The following VWA8 variants were observed in gnomAD, a reference collection of about 807,000 sequenced individuals.
VWA8 encodes the protein von Willebrand factor A domain containing 8.
VWA8 carries 221 observed loss-of-function variants against 241.5 expected under a neutral mutation model. The ratio of observed to expected loss-of-function variants is 0.91; its 90% confidence interval spans 0.82 to 1.02. The LOEUF is 1.02. Ranked by LOEUF, VWA8 falls within the 50% of genes least tolerant of loss-of-function variation. The probability of loss-of-function intolerance (pLI) is 0.00; values close to 1 mark genes in which losing one functional copy is unlikely to be tolerated. For missense variants in VWA8, 2,322 were observed against 2,328.7 expected, an observed-to-expected ratio of 1.00 and a Z score of 0.06; for synonymous variants, 852 against 827.1, an observed-to-expected ratio of 1.03 and a Z score of -0.52.
chr13:41,774,475 A>G (rs1593762814), intron 20 of VWA8, among the ~76,000 whole-genome samples: 1 of 152,338 alleles, frequency 6.6e-6, no homozygotes, highest in East Asian at 1.9e-4. Context: ...TTTAAAATCT[A>G]CTAATTAACT....
chr13:41,926,213 TC>T, intron 2 of VWA8: 1 of 691,178 alleles, frequency 1.4e-6, no homozygotes, highest in Admixed American at 2.1e-5. Flanking sequence ...CACTGCTGTC[TC>T]CCCACATGCA....
intron 12 of VWA8, among the ~76,000 whole-genome samples, chr13:41,860,373 G>A (rs1376257858): frequency 6.6e-6 from 1 of 152,166 alleles, no homozygotes; most frequent in Admixed American, 6.5e-5. Context: ...ATGGGTAAAT[G>A]TTTTTACGGG....
chr13:41,622,765 C>G (rs1398166463), intron 37 of VWA8, among the ~76,000 whole-genome samples: 1 of 152,156 alleles, frequency 6.6e-6, no homozygotes, highest in East Asian at 1.9e-4. Flanking sequence ...TGGGCAAGGC[C>G]CATATATTTT....
chr13:41,611,557 A>T lies in VWA8; in HGVS notation c.4877+19T>A. The T allele has an allele frequency of 6.2e-7, 1 of 1,613,420 alleles. No individual in the cohort carries two copies. Among genetic ancestry groups the T allele is most frequent in the Non-Finnish European group, 8.5e-7 (1 of 1,179,552 alleles). On this transcript the variant is annotated intron_variant, in intron 39 of 44. Transcript: ENST00000379310. ...CACCATAGCAGTAGTGCTGGTCTAA[A>T]TGTGATGGGAGCACTGACCTCTGCT...
intron 41 of VWA8, among the ~76,000 whole-genome samples, chr13:41,588,546 A>G (rs1425181808): frequency 1.3e-5 from 2 of 152,068 alleles, no homozygotes; most frequent in East Asian, 3.9e-4. Context: ...CACAGCAAGA[A>G]CTCATCTCTA....
In VWA8 at chr13:41,710,741, C is replaced by T. The variant is rs377236776; in HGVS notation, c.3117-7330G>A. On this transcript the variant is annotated intron_variant, in intron 26 of 44. Coordinates refer to ENST00000379310, the MANE Select transcript of VWA8 (RefSeq NM_015058.2). The stretch of plus-strand genomic sequence containing the variant: ...AATTCGGGAAAATGAAAGAAAGGCA[C>T]AAAACTTTAAACAAAGAATATTTTA... 5.7e-4 allele frequency among the ~76,000 whole-genome samples: 87 copies of T among 152,220 alleles called. No homozygotes were observed. In the East Asian group the frequency reaches 7.9e-3, roughly 14 times the overall value.
At chr13:41,849,757 G>A (rs563547677) in intron 12 of VWA8, among the ~76,000 whole-genome samples, 3 of 152,152 alleles carry the variant, frequency 2.0e-5, no homozygotes, top group African/African-American at 7.2e-5. Context: ...CACGATGGCA[G>A]GTGCCTGTAA....
At chr13:41,769,638 C>T (rs901355659) in intron 20 of VWA8, among the ~76,000 whole-genome samples, 15 of 152,088 alleles carry the variant, frequency 9.9e-5, no homozygotes, top group Non-Finnish European at 1.6e-4. Context: ...TACAGGAATT[C>T]GTGTGCTATG....
At chr13:41,941,420 C>T (rs1242290558) in intron 2 of VWA8, among the ~76,000 whole-genome samples, 2 of 152,160 alleles carry the variant, frequency 1.3e-5, no homozygotes, top group Non-Finnish European at 2.9e-5. Flanking sequence ...CTAAGTGAGA[C>T]TGAAAATGCC....
At chr13:41,944,153 T>G (rs557858352) in intron 2 of VWA8, among the ~76,000 whole-genome samples, 1 of 150,792 alleles carries the variant, frequency 6.6e-6, no homozygotes, top group South Asian at 2.1e-4. Flanking sequence ...TAAACCACAG[T>G]GAGAGGACAG....
At chr13:41,711,432 C>G (rs1263071061) in intron 26 of VWA8, among the ~76,000 whole-genome samples, 2 of 152,080 alleles carry the variant, frequency 1.3e-5, no homozygotes, top group Non-Finnish European at 2.9e-5. Context: ...TATTAGCCCC[C>G]CAAAGGAAGC....
chr13:41,706,458 G>C (rs1052992768), intron 26 of VWA8, among the ~76,000 whole-genome samples: 1 of 152,156 alleles, frequency 6.6e-6, no homozygotes, highest in Non-Finnish European at 1.5e-5. Flanking sequence ...GTAACATGGG[G>C]TATTATTGTT....
At chr13:41,888,297 C>T (rs896758384) in intron 5 of VWA8, among the ~76,000 whole-genome samples, 2 of 152,192 alleles carry the variant, frequency 1.3e-5, no homozygotes, top group Non-Finnish European at 2.9e-5. Flanking sequence ...CACATTTGTA[C>T]ACTCTGAGAG....
At chr13:41,909,977 G>A (rs1875915211) in intron 3 of VWA8, among the ~76,000 whole-genome samples, 1 of 152,142 alleles carries the variant, frequency 6.6e-6, no homozygotes, top group East Asian at 1.9e-4. Flanking sequence ...ACTATACATA[G>A]GCTGTTATTC....
chr13:41,867,521 A>C (rs1283290066), intron 10 of VWA8, among the ~76,000 whole-genome samples: 1 of 152,164 alleles, frequency 6.6e-6, no homozygotes, highest in Non-Finnish European at 1.5e-5. Flanking sequence ...CTAATCTACA[A>C]AATGGAGATA....
intron 34 of VWA8, among the ~76,000 whole-genome samples, chr13:41,686,792 C>G (rs971040586): frequency 6.6e-6 from 1 of 152,126 alleles, no homozygotes; most frequent in African/African-American, 2.4e-5. Context: ...GGCAGATGCT[C>G]CACTCTACCT....
intron 32 of VWA8, 91 bp downstream of exon 32, chr13:41,691,229 C>T: frequency 7.0e-7 from 1 of 1,435,746 alleles, no homozygotes; most frequent in South Asian, 1.7e-5. Context: ...AGGACAGACA[C>T]AGGAAAGACA....
At chr13:41,689,048 G>A (rs753642074) in intron 34 of VWA8, among the ~76,000 whole-genome samples, 4 of 152,000 alleles carry the variant, frequency 2.6e-5, no homozygotes, top group Non-Finnish European at 5.9e-5. Flanking sequence ...TAGAAGACAT[G>A]ACAGAAAATT....
At chr13:41,802,484 A>G (rs145037828) in intron 17 of VWA8, among the ~76,000 whole-genome samples, 5 of 152,274 alleles carry the variant, frequency 3.3e-5, no homozygotes, top group Non-Finnish European at 7.4e-5. Flanking sequence ...GTTGGAGTGC[A>G]TGTGACCCAG....
Sources: gnomAD v4.1 joint callset for allele counts (sites outside exome capture counted in the v4.1 genomes callset) on GRCh38, gnomAD v4.1.1 for gene constraint, MANE v1.5 for transcripts, NCBI Gene and HGNC (gene_info 2026-07-23, HGNC 2026-07-21) for gene names.